The following TBC1D22A variants were observed in gnomAD, a reference collection of about 807,000 sequenced individuals.
The protein encoded by TBC1D22A is putative GTPase activator.
A neutral mutation model predicts 60.2 loss-of-function variants in TBC1D22A; 38 were observed. The observed-to-expected ratio is 0.63, with a 90% CI of 0.49 to 0.83. The LOEUF is 0.83. Among genes scored for constraint, TBC1D22A ranks in the 40% least tolerant of loss-of-function variants. TBC1D22A has a pLI of 0.00. For missense variants in TBC1D22A, 628 were observed against 701.0 expected, an observed-to-expected ratio of 0.90 and a Z score of 1.18; for synonymous variants, 302 against 281.7, an observed-to-expected ratio of 1.07 and a Z score of -0.72.
Position 47,023,099 on chromosome 22 carries a change from A to G in TBC1D22A, c.1202-13972A>G, listed in dbSNP as rs777392431. On this transcript the variant is annotated intron_variant, in intron 10 of 12. Transcript: ENST00000337137. ...GACTCGTTAGTTAGGCAGAGTCATT[A>G]AAGCAGGTATTATAACTGTATTTCA... Among the ~76,000 whole-genome samples the G allele has an allele frequency of 6.6e-5, 10 of 152,376 alleles. No individual in the cohort carries two copies. The East Asian group carries it at 9.6e-4, about 15-fold the overall frequency.
intron 8 of TBC1D22A, among the ~76,000 whole-genome samples, chr22:46,934,354 G>A (rs1214558968): frequency 3.3e-5 from 5 of 152,250 alleles, no homozygotes; most frequent in Non-Finnish European, 7.3e-5. Context: ...CAGCCTTCGT[G>A]CTCTGGGGTG....
chr22:47,163,091 G>A (rs113833256), intron 12 of TBC1D22A, among the ~76,000 whole-genome samples: 2 of 152,212 alleles, frequency 1.3e-5, no homozygotes, highest in Admixed American at 6.5e-5. Context: ...CCAGGCAGGC[G>A]TGCCAGTGGC....
chr22:46,798,883 G>T (rs951316945), intron 4 of TBC1D22A, among the ~76,000 whole-genome samples: 2 of 152,212 alleles, frequency 1.3e-5, no homozygotes, highest in Non-Finnish European at 2.9e-5. Context: ...CAAGCCCAGG[G>T]CAGGGAGAGG....
At chr22:46,810,790 G>C (rs1029285569) in intron 4 of TBC1D22A, among the ~76,000 whole-genome samples, 2 of 152,104 alleles carry the variant, frequency 1.3e-5, no homozygotes, top group African/African-American at 4.8e-5. Flanking sequence ...CAAATGAAGA[G>C]GTAGCTCTGC....
chr22:46,896,389 AG>A (rs2068679728), intron 7 of TBC1D22A, among the ~76,000 whole-genome samples: 2 of 152,066 alleles, frequency 1.3e-5, no homozygotes, highest in African/African-American at 4.8e-5. Flanking sequence ...CAGTCTTTTA[AG>A]GTGAGCACTG....
At chr22:46,992,726 A>T (rs1042217399) in intron 9 of TBC1D22A, among the ~76,000 whole-genome samples, 9 of 152,210 alleles carry the variant, frequency 5.9e-5, no homozygotes, top group Non-Finnish European at 1.0e-4. Context: ...AATGGCTTTA[A>T]TGTATTAATG....
chr22:46,778,635 T>G (rs550362154), intron 1 of TBC1D22A, among the ~76,000 whole-genome samples: 4 of 152,188 alleles, frequency 2.6e-5, no homozygotes, highest in African/African-American at 7.2e-5. Context: ...TAACATTGCC[T>G]TCTTCTGGAA....
intron 9 of TBC1D22A, among the ~76,000 whole-genome samples, chr22:46,988,335 G>T (rs2074806288): frequency 1.3e-5 from 2 of 152,208 alleles, no homozygotes; most frequent in Non-Finnish European, 2.9e-5. Flanking sequence ...AATCACAAAT[G>T]TTCTTAATGG....
At chr22:47,130,597 G>T (rs1277488492) in intron 12 of TBC1D22A, among the ~76,000 whole-genome samples, 1 of 152,206 alleles carries the variant, frequency 6.6e-6, no homozygotes, top group Non-Finnish European at 1.5e-5. Context: ...GCTGCCATGT[G>T]ACTCTAGGCC....
chr22:47,131,743 A>G (rs2066685785), intron 12 of TBC1D22A, among the ~76,000 whole-genome samples: 1 of 152,218 alleles, frequency 6.6e-6, no homozygotes, highest in Non-Finnish European at 1.5e-5. Flanking sequence ...AGAAGGGAGC[A>G]TCTGCCCATC....
chr22:47,158,669 A>T (rs1569477604), intron 12 of TBC1D22A, among the ~76,000 whole-genome samples: 1 of 152,166 alleles, frequency 6.6e-6, no homozygotes, highest in African/African-American at 2.4e-5. Context: ...CCCCCTGCAG[A>T]GGACACACCA....
chr22:47,166,977 A>T (rs1413733150), intron 12 of TBC1D22A, among the ~76,000 whole-genome samples: 1 of 152,248 alleles, frequency 6.6e-6, no homozygotes, highest in Non-Finnish European at 1.5e-5. Context: ...CCAGCCGGAC[A>T]AGGAGGATCC....
intron 4 of TBC1D22A, among the ~76,000 whole-genome samples, chr22:46,844,325 C>G (rs2086899559): frequency 6.6e-6 from 1 of 152,114 alleles, no homozygotes; most frequent in Non-Finnish European, 1.5e-5. Flanking sequence ...TCCTTCTCTT[C>G]TTACTCTCCT....
At chr22:47,171,968 TAAGCCCAACGCACCTGCCCA>T (rs2068479721) in intron 12 of TBC1D22A, among the ~76,000 whole-genome samples, 1 of 151,556 alleles carries the variant, frequency 6.6e-6, no homozygotes, top group Non-Finnish European at 1.5e-5. Flanking sequence ...GCACTCCCAG[TAAGCCCAACGCACCTGCCCA>T]GTGCGCCCGG....
chr22:46,776,008 G>A (rs1033364479), intron 1 of TBC1D22A, among the ~76,000 whole-genome samples: 8 of 152,242 alleles, frequency 5.3e-5, no homozygotes, highest in Admixed American at 2.6e-4. Flanking sequence ...TCCTGCTACC[G>A]AGGGACTTCG....
chr22:46,910,350 G>A (rs79682477), intron 7 of TBC1D22A, among the ~76,000 whole-genome samples: 405 of 152,188 alleles, frequency 2.7e-3, no homozygotes, highest in Non-Finnish European at 4.9e-3. Context: ...TGTAGGTCCC[G>A]GGTTGATGGT....
intron 4 of TBC1D22A, among the ~76,000 whole-genome samples, chr22:46,817,428 C>T (rs1170362888): frequency 6.6e-6 from 1 of 152,154 alleles, no homozygotes; most frequent in Non-Finnish European, 1.5e-5. Flanking sequence ...CCAACGGGTG[C>T]TGGTGTGTGT....
chr22:46,832,661 A>C (rs2086361838), intron 4 of TBC1D22A, among the ~76,000 whole-genome samples: 1 of 152,252 alleles, frequency 6.6e-6, no homozygotes, highest in South Asian at 2.1e-4. Flanking sequence ...AAGAAAAATA[A>C]ATAAAATATG....
At chr22:46,821,724 C>A (rs1164067565) in intron 4 of TBC1D22A, among the ~76,000 whole-genome samples, 1 of 152,004 alleles carries the variant, frequency 6.6e-6, no homozygotes, top group Non-Finnish European at 1.5e-5. Flanking sequence ...TGCGGTTGAT[C>A]TTCTTGTGGA....
Sources: allele counts gnomAD v4.1 joint callset (sites outside exome capture counted in the v4.1 genomes callset), GRCh38; gene constraint gnomAD v4.1.1; transcripts MANE v1.5; gene names NCBI Gene and HGNC (gene_info 2026-07-23, HGNC 2026-07-21).